Variants in DLG2 observed in about 807,000 individuals in gnomAD.
DLG2 encodes discs large MAGUK scaffold protein 2, also known as disks large homolog 2.
A neutral mutation model predicts 132.5 loss-of-function variants in DLG2; 45 were observed. The observed-to-expected ratio is 0.34, with a 90% CI of 0.27 to 0.44. The LOEUF is 0.44. Ranked by LOEUF, DLG2 falls within the 20% of genes least tolerant of loss-of-function variation. DLG2 has a pLI of 1.00. For missense variants in DLG2, 1,045 were observed against 1,196.9 expected (o/e 0.87, Z 1.87); for synonymous variants, 424 against 419.6 (o/e 1.01, Z -0.13).
At chr11:84,643,283 A>C (rs1248098384) in intron 6 of DLG2, among the ~76,000 whole-genome samples, 2 of 152,160 alleles carry the variant, frequency 1.3e-5, no homozygotes, top group Non-Finnish European at 2.9e-5. Context: ...ATGAAGATGT[A>C]ACTTTCTAAA....
chr11:85,241,113 GT>G (rs1371310646), intron 4 of DLG2, among the ~76,000 whole-genome samples: 1 of 151,380 alleles, frequency 6.6e-6, no homozygotes, highest in African/African-American at 2.4e-5. Context: ...TTCTTGCACA[GT>G]TTTGGTAGAT....
chr11:83,615,912 T>C (rs1485109723), intron 19 of DLG2, among the ~76,000 whole-genome samples: 1 of 152,212 alleles, frequency 6.6e-6, no homozygotes, highest in African/African-American at 2.4e-5. Flanking sequence ...ACATCTGATA[T>C]ACAAAATTGT....
intron 18 of DLG2, among the ~76,000 whole-genome samples, chr11:83,697,828 GC>G (rs1441643202): frequency 1.3e-5 from 2 of 152,150 alleles, no homozygotes; most frequent in Non-Finnish European, 2.9e-5. Context: ...GAACAGAGAG[GC>G]CCAGAATATT....
chr11:84,670,683 G>A (rs1299612664), intron 6 of DLG2, among the ~76,000 whole-genome samples: 2 of 152,090 alleles, frequency 1.3e-5, no homozygotes, highest in African/African-American at 4.8e-5. Context: ...TTACAGATGA[G>A]GAAACAGCTT....
intron 21 of DLG2, among the ~76,000 whole-genome samples, chr11:83,527,916 T>G (rs1040286628): frequency 6.6e-4 from 100 of 152,102 alleles, no homozygotes; most frequent in African/African-American, 2.3e-3. Context: ...TCTCAATAAG[T>G]AACAGAATGG....
chr11:84,803,646 T>C (rs1399750404), intron 6 of DLG2, among the ~76,000 whole-genome samples: 1 of 152,192 alleles, frequency 6.6e-6, no homozygotes, highest in East Asian at 1.9e-4. Flanking sequence ...GCTTGCCTTT[T>C]TGAGGATATA....
At position 84,088,385 on chromosome 11, in the gene DLG2, A is replaced by C. The variant is rs562527734; in HGVS notation, c.749+10538T>G. 7.2e-5 allele frequency among the ~76,000 whole-genome samples: 11 copies of C among 152,130 alleles called. No individual in the cohort carries two copies. In the South Asian group the frequency reaches 1.7e-3, roughly 23 times the overall value. ...ATAGAATTTGCTAGAGAAAAAAAAA[A>C]AAACAAAAATCCAACGAGTCATGTT... On this transcript the variant is annotated intron_variant, in intron 10 of 27. Transcript: ENST00000376104.
At chr11:84,439,620 C>T (rs967455581) in intron 7 of DLG2, among the ~76,000 whole-genome samples, 1 of 152,124 alleles carries the variant, frequency 6.6e-6, no homozygotes, top group African/African-American at 2.4e-5. Context: ...CACAGAAATC[C>T]AACGAATAAA....
intron 7 of DLG2, among the ~76,000 whole-genome samples, chr11:84,511,352 A>G (rs2099256557): frequency 6.6e-6 from 1 of 152,210 alleles, no homozygotes. Context: ...AATATTTGAT[A>G]ACCCCACTTA....
chr11:84,760,507 A>G (rs1024119540), intron 6 of DLG2, among the ~76,000 whole-genome samples: 20 of 151,930 alleles, frequency 1.3e-4, no homozygotes, highest in Admixed American at 1.2e-3. Flanking sequence ...GACACAATCA[A>G]CTCTTTAATC....
At chr11:85,521,790 T>C (rs377204326) in intron 3 of DLG2, among the ~76,000 whole-genome samples, 8 of 152,328 alleles carry the variant, frequency 5.3e-5, no homozygotes, top group African/African-American at 1.4e-4. Context: ...AAATGACTGA[T>C]GGCATTTTGC....
rs577598056 is a variant in DLG2 at position 83,768,827 on chromosome 11, C to A, written c.1825+17863G>T. On this transcript the variant is annotated intron_variant, in intron 18 of 27. Coordinates refer to ENST00000376104, the MANE Select transcript of DLG2 (RefSeq NM_001142699.3). ...AAAGAAGTGAGGAATAGGTGAGGAC[C>A]CAGAGATTGGCAGTTAAGATCTGGC... 5.3e-5 allele frequency among the ~76,000 whole-genome samples: 8 copies of A among 152,250 alleles called. No individual in the cohort carries two copies. The South Asian group carries it at 1.7e-3, about 32-fold the overall frequency.
At chr11:84,424,217 G>T (rs947998297) in intron 7 of DLG2, among the ~76,000 whole-genome samples, 1 of 152,084 alleles carries the variant, frequency 6.6e-6, no homozygotes, top group Non-Finnish European at 1.5e-5. Flanking sequence ...CAAAAGTACT[G>T]CTCAGTGACA....
intron 18 of DLG2, among the ~76,000 whole-genome samples, chr11:83,709,771 C>T (rs1036430645): frequency 5.3e-5 from 8 of 152,158 alleles, no homozygotes; most frequent in African/African-American, 1.9e-4. Flanking sequence ...GTGATCCCCC[C>T]CAAGTCATTT....
At chr11:83,923,479 C>A (rs1458503724) in intron 15 of DLG2, among the ~76,000 whole-genome samples, 1 of 152,138 alleles carries the variant, frequency 6.6e-6, no homozygotes, top group Non-Finnish European at 1.5e-5. Flanking sequence ...TCCTCTGTGA[C>A]TTCACCTTGC....
chr11:83,882,796 T>C (rs1045052945), intron 15 of DLG2, among the ~76,000 whole-genome samples: 4 of 152,204 alleles, frequency 2.6e-5, no homozygotes, highest in African/African-American at 4.8e-5. Context: ...CTTATATGAA[T>C]GTCTAATAGG....
At chr11:85,253,180 A>T (rs1243920498) in intron 4 of DLG2, among the ~76,000 whole-genome samples, 1 of 152,224 alleles carries the variant, frequency 6.6e-6, no homozygotes, top group South Asian at 2.1e-4. Flanking sequence ...ATCTGAGACA[A>T]GTGATACCAT....
intron 7 of DLG2, among the ~76,000 whole-genome samples, chr11:84,504,137 G>T (rs539415145): frequency 9.2e-5 from 14 of 152,140 alleles, no homozygotes; most frequent in Non-Finnish European, 1.6e-4. Flanking sequence ...GAACTATGAA[G>T]AAGTAATATT....
chr11:84,222,164 C>T (rs1000459907), intron 8 of DLG2, among the ~76,000 whole-genome samples: 2 of 152,186 alleles, frequency 1.3e-5, no homozygotes, highest in Admixed American at 6.5e-5. Context: ...TCCCAAGTAG[C>T]TGGTATTACA....
Sources: allele counts gnomAD v4.1 joint callset (sites outside exome capture counted in the v4.1 genomes callset), GRCh38; gene constraint gnomAD v4.1.1; transcripts MANE v1.5; gene names NCBI Gene and HGNC (gene_info 2026-07-23, HGNC 2026-07-21).